The following NTRK2 variants were observed in gnomAD, a reference collection of about 807,000 sequenced individuals.
NTRK2 encodes BDNF/NT-3 growth factors receptor.
Under a neutral mutation model 94.5 loss-of-function variants are expected in NTRK2, and 13 were observed. The ratio of observed to expected loss-of-function variants is 0.14; its 90% CI spans 0.09 to 0.22. The LOEUF (loss-of-function observed/expected upper bound fraction) is 0.22. Among genes scored for constraint, NTRK2 ranks in the 10% least tolerant of loss-of-function variants. NTRK2 has a pLI of 1.00. For synonymous variants in NTRK2, 372 were observed against 407.4 expected, an observed-to-expected ratio of 0.91 and a Z score of 1.05; for missense variants, 639 against 1,071.2, an observed-to-expected ratio of 0.60 and a Z score of 5.63.
At chr9:84,832,982 G>T (rs1159112463) in intron 12 of NTRK2, among the ~76,000 whole-genome samples, 3 of 152,094 alleles carry the variant, frequency 2.0e-5, no homozygotes. Context: ...AGGCCGTGCT[G>T]GGCTGAGTGG....
intron 14 of NTRK2, among the ~76,000 whole-genome samples, chr9:84,893,758 G>T (rs1303938038): frequency 6.6e-6 from 1 of 152,170 alleles, no homozygotes; most frequent in Non-Finnish European, 1.5e-5. Flanking sequence ...GTGTATCGCT[G>T]GGGATGAAGC....
chr9:84,872,735 C>T (rs2075911896), intron 14 of NTRK2: 1 of 1,064,588 alleles, frequency 9.4e-7, no homozygotes, highest in African/African-American at 1.6e-5. Context: ...TTTGTGTGTG[C>T]ATATGTGTTT....
intron 17 of NTRK2, among the ~76,000 whole-genome samples, chr9:85,002,982 T>C (rs114858885): frequency 4.6e-5 from 7 of 152,094 alleles, no homozygotes; most frequent in African/African-American, 1.2e-4. Flanking sequence ...GGAGAAACAG[T>C]TGGGGGACGG....
intron 12 of NTRK2, among the ~76,000 whole-genome samples, chr9:84,860,452 A>G (rs10122053): frequency 0.15 from 22,848 of 151,984 alleles, 1,789 homozygotes; most frequent in East Asian, 0.22. Context: ...TAGAATTAAG[A>G]TCTTTTTTTC....
At chr9:84,849,437 A>G (rs1122530) in intron 12 of NTRK2, among the ~76,000 whole-genome samples, 32,269 of 152,166 alleles carry the variant, frequency 0.21, 4,208 homozygotes, top group African/African-American at 0.36. Flanking sequence ...AAGGAGAGGC[A>G]AGAAGAGCAA....
chr9:84,742,801 T>TTTTG (rs1483558502), intron 10 of NTRK2, among the ~76,000 whole-genome samples: 1 of 135,426 alleles, frequency 7.4e-6, no homozygotes, highest in Non-Finnish European at 1.5e-5. Flanking sequence ...TTTTTTTTTT[T>TTTTG]TTTTTTTTTT....
At chr9:84,898,413 C>G (rs1236929017) in intron 14 of NTRK2, among the ~76,000 whole-genome samples, 3 of 152,224 alleles carry the variant, frequency 2.0e-5, no homozygotes, top group African/African-American at 7.2e-5. Flanking sequence ...TGTACATACT[C>G]AGACTTGAAG....
At chr9:84,697,727 C>T (rs1175249545) in intron 2 of NTRK2, among the ~76,000 whole-genome samples, 2 of 152,178 alleles carry the variant, frequency 1.3e-5, no homozygotes, top group Non-Finnish European at 2.9e-5. Context: ...GCAGCACACA[C>T]CTTGGTCTTC....
chr9:84,934,326 T>C (rs904222190), intron 15 of NTRK2, 34 bp downstream of exon 15: 1 of 1,612,266 alleles, frequency 6.2e-7, no homozygotes. Flanking sequence ...TCATTAACCA[T>C]GATCACACTT....
chr9:85,021,177 GT>G, intron 18 of NTRK2, 74 bp from the exon 19 acceptor site: 5 of 1,374,488 alleles, frequency 3.6e-6, no homozygotes, highest in South Asian at 1.2e-5. Context: ...CTCTTCTGCT[GT>G]TTTTTTGCAC....
chr9:84,771,674 C>G (rs1211344795), intron 12 of NTRK2, among the ~76,000 whole-genome samples: 1 of 152,174 alleles, frequency 6.6e-6, no homozygotes, highest in Non-Finnish European at 1.5e-5. Flanking sequence ...TTATTTCTTA[C>G]TTGGCTTTTT....
intron 17 of NTRK2, among the ~76,000 whole-genome samples, chr9:84,961,432 A>G (rs1485372441): frequency 6.6e-6 from 1 of 152,252 alleles, no homozygotes; most frequent in African/African-American, 2.4e-5. Context: ...CTTAGAGCAC[A>G]GTTCAGAGGA....
intron 15 of NTRK2, among the ~76,000 whole-genome samples, chr9:84,938,374 C>A (rs1414851125): frequency 6.6e-6 from 1 of 152,142 alleles, no homozygotes; most frequent in Non-Finnish European, 1.5e-5. Flanking sequence ...TGGCCCCTAC[C>A]CAGCCTCTTG....
rs193004501 is a variant in NTRK2, at chr9:84,872,426, A to C, written c.1633+4995A>C. On this transcript the variant is annotated intron_variant, in intron 14 of 18. Coordinates refer to ENST00000277120, the MANE Select transcript of NTRK2 (RefSeq NM_006180.6). ...AAACACTATAGATGTCCTCCCTAAA[A>C]TTCTGTCTTCCCTAGAGCAGCCTTG... The C allele has an allele frequency of 3.7e-4, 400 of 1,076,134 alleles. 1 individual carries two copies. The African/African-American group carries it at 5.9e-3, about 16-fold the overall frequency. The allele number at this position is 1,076,134 out of a possible 1,614,324, so 66.7% of individuals were successfully genotyped here. A position where few individuals can be genotyped will look rare whatever the true frequency, so the allele number is the denominator to read the frequency against.
intron 9 of NTRK2, 62 bp from the exon 10 acceptor site, chr9:84,741,830 G>A (rs1222801645): frequency 1.1e-5 from 15 of 1,406,528 alleles, no homozygotes; most frequent in Non-Finnish European, 1.5e-5. Flanking sequence ...GTTGACATAG[G>A]TTAGTAATTT....
chr9:84,966,732 G>A (rs1825602759), intron 17 of NTRK2, among the ~76,000 whole-genome samples: 1 of 152,168 alleles, frequency 6.6e-6, no homozygotes, highest in African/African-American at 2.4e-5. Context: ...CGCCCAGCCA[G>A]TGTAGAGCTA....
intron 17 of NTRK2, among the ~76,000 whole-genome samples, chr9:84,977,586 G>C (rs1005691597): frequency 3.3e-5 from 5 of 152,188 alleles, no homozygotes; most frequent in African/African-American, 1.2e-4. Context: ...GATATTACAA[G>C]TACATTTTAC....
rs573710439 is a variant in NTRK2, at chr9:84,938,289, T to C, written c.1764+3997T>C. Among the ~76,000 whole-genome samples the C allele has an allele frequency of 5.3e-5, 8 of 152,314 alleles. No individual in the cohort carries two copies. The South Asian group carries it at 1.7e-3, about 32-fold the overall frequency. On this transcript the variant is annotated intron_variant, in intron 15 of 18. Coordinates refer to ENST00000277120, the MANE Select transcript of NTRK2 (RefSeq NM_006180.6). ...CCACCAAGAGTTTGGAAAAGTTTTC[T>C]GATAAACCCTCTAGCACATAATGAG...
At chr9:84,679,559 G>A (rs12555252) in intron 2 of NTRK2, among the ~76,000 whole-genome samples, 8,267 of 152,194 alleles carry the variant, frequency 0.054, 366 homozygotes, top group African/African-American at 0.11. Context: ...GACAGTATCA[G>A]GGTCTGGGAT....
Sources: gnomAD v4.1 joint callset for allele counts (sites outside exome capture counted in the v4.1 genomes callset) on GRCh38, gnomAD v4.1.1 for gene constraint, MANE v1.5 for transcripts, NCBI Gene and HGNC (gene_info 2026-07-23, HGNC 2026-07-21) for gene names.